SLC12A1: variants seen among roughly 807,000 people sequenced by gnomAD.
SLC12A1 encodes solute carrier family 12 member 1.
A neutral mutation model predicts 130.4 loss-of-function variants in SLC12A1; 89 were observed. The ratio of observed to expected loss-of-function variants is 0.68; its 90% CI spans 0.58 to 0.81. The LOEUF (loss-of-function observed/expected upper bound fraction) is 0.81. Ranked by LOEUF, SLC12A1 falls within the 40% of genes least tolerant of loss-of-function variation. The pLI is 0.00. For missense variants in SLC12A1, 1,310 were observed against 1,336.4 expected (o/e 0.98, Z 0.31); for synonymous variants, 499 against 460.0 (o/e 1.08, Z -1.09).
intron 9 of SLC12A1, among the ~76,000 whole-genome samples, chr15:48,238,240 C>T (rs1236295038): frequency 6.6e-6 from 1 of 152,102 alleles, no homozygotes; most frequent in Admixed American, 6.6e-5. Flanking sequence ...AAAGGAAGCT[C>T]ACATTTGTCT....
intron 2 of SLC12A1, among the ~76,000 whole-genome samples, chr15:48,214,485 A>T (rs1421030788): frequency 6.6e-6 from 1 of 152,222 alleles, no homozygotes; most frequent in Non-Finnish European, 1.5e-5. Context: ...GTTTTCAGCT[A>T]TAGTAAATGC....
intron 19 of SLC12A1, among the ~76,000 whole-genome samples, chr15:48,273,422 A>C (rs1324944813): frequency 6.6e-6 from 1 of 152,144 alleles, no homozygotes; most frequent in Non-Finnish European, 1.5e-5. Context: ...CCCCATCTCA[A>C]AGTCCTTAAC....
At chr15:48,258,143 C>T (rs1304298208) in intron 16 of SLC12A1, among the ~76,000 whole-genome samples, 2 of 70,946 alleles carry the variant, frequency 2.8e-5, no homozygotes, top group Non-Finnish European at 2.2e-5. Flanking sequence ...GGGCGGATCA[C>T]GAGGTCAGGA....
rs191930160 is a variant in SLC12A1 at position 48,246,053 on chromosome 15, G to A, written c.1453-856G>A. Among the ~76,000 whole-genome samples the A allele has an allele frequency of 4.0e-3, 613 of 152,290 alleles. 4 individuals are homozygous for A. Among genetic ancestry groups the A allele is most frequent in the African/African-American group, 0.014 (596 of 41,560 alleles). ...GCAGAGGGAGAAGTAAATTTGTCGC[G>A]AAAGCTTCATTCTTCTGTTTTAACA... On this transcript the variant is annotated intron_variant, in intron 11 of 26. Coordinates refer to ENST00000380993, the MANE Select transcript of SLC12A1 (RefSeq NM_000338.3).
chr15:48,287,423 T>G (rs2042071310), intron 21 of SLC12A1, among the ~76,000 whole-genome samples: 1 of 152,158 alleles, frequency 6.6e-6, no homozygotes, highest in Non-Finnish European at 1.5e-5. Flanking sequence ...TTACTTTAGC[T>G]TCGCAAGATT....
intron 24 of SLC12A1, among the ~76,000 whole-genome samples, chr15:48,295,030 GC>G (rs1423911141): frequency 6.6e-6 from 1 of 151,204 alleles, no homozygotes; most frequent in African/African-American, 2.4e-5. Flanking sequence ...TCCTGCCTCA[GC>G]CTCTTGAGTA....
At position 48,303,212 on chromosome 15, in the gene SLC12A1, C is replaced by T. The variant is rs930164365; in HGVS notation, c.*327C>T. ...GTAAACTTCTCCAGACAAACTTAAC[C>T]TTTTGTTTCTTAATTTTTTGTTTTG... On this transcript the variant is annotated 3_prime_UTR_variant, in exon 27 of 27. Coordinates refer to ENST00000380993, the MANE Select transcript of SLC12A1 (RefSeq NM_000338.3). 1.1e-5 allele frequency: 2 copies of T among 177,224 alleles called. No individual in the cohort carries two copies. The highest frequency in any genetic ancestry group is 2.4e-5 in the African/African-American group (1 of 42,240). 11.0% of individuals were successfully genotyped at this position (177,224 alleles called of 1,614,324 possible). A position where few individuals can be genotyped will look rare whatever the true frequency, so the allele number is the denominator to read the frequency against.
At position 48,251,777 on chromosome 15, in the gene SLC12A1, T is replaced by G; in HGVS notation, c.1942+7T>G. ...GTGACTTGTAAGAAGCCAGGTAAGA[T>G]AATGACTGTCTGGAATAGCGTTTCC... is the stretch of plus-strand genomic sequence containing the variant. On this transcript the variant is annotated splice_region_variant and intron_variant, in intron 15 of 26. Coordinates refer to ENST00000380993, the MANE Select transcript of SLC12A1 (RefSeq NM_000338.3). 6.2e-7 allele frequency: 1 copy of G among 1,612,956 alleles called. No individual in the cohort carries two copies. Among genetic ancestry groups the G allele is most frequent in the Non-Finnish European group, 8.5e-7 (1 of 1,179,142 alleles).
At position 48,241,584 on chromosome 15, in the gene SLC12A1, G is replaced by T; in HGVS notation, c.1285G>T (p.Val429Phe). 1 of 1,613,320 alleles carries T rather than the reference G, an allele frequency of 6.2e-7. No individual in the cohort carries two copies. Among genetic ancestry groups the T allele is most frequent in the Non-Finnish European group, 8.5e-7 (1 of 1,179,330 alleles). The change falls in exon 10 of 27, where the codon GTT (valine) becomes TTT (phenylalanine). Residue 429 changes from valine to phenylalanine, a missense_variant. Transcript: ENST00000380993. ...CATCACCACTGTTGCCTACTTAGGG[G>T]TTGCAATTTGTGTAGGTAAGTGGTA... is the stretch of plus-strand genomic sequence containing the variant. ...IFITTVAYLG[V>F]AICVGACVVR...
chr15:48,255,101 AC>A (rs1224230647), intron 15 of SLC12A1, among the ~76,000 whole-genome samples: 2 of 152,074 alleles, frequency 1.3e-5, no homozygotes, highest in African/African-American at 2.4e-5. Flanking sequence ...TATAAAGATT[AC>A]TGCACACTAT....
At chr15:48,267,755 T>G in intron 18 of SLC12A1, 54 bp downstream of exon 18, 1 of 1,592,364 alleles carries the variant, frequency 6.3e-7, no homozygotes, top group East Asian at 2.2e-5. Flanking sequence ...TAGTGCTCCA[T>G]GTTAATAAGG....
chr15:48,235,599 A>G (rs1195298343), intron 9 of SLC12A1, among the ~76,000 whole-genome samples: 2 of 152,110 alleles, frequency 1.3e-5, no homozygotes, highest in Non-Finnish European at 2.9e-5. Context: ...TGAACCCAGG[A>G]GTTTGAGGCC....
Position 48,285,210 on chromosome 15 carries a change from G to C in SLC12A1, c.2590G>C (p.Ala864Pro), listed in dbSNP as rs2042044850. ...AGGCATCCGAGGCTTGTTTAAAAAA[G>C]CTGGCAAGTTGAACATTACTAAGAC... ...SGGIRGLFKKAGKLNITKTTP... is the reference protein window; with the variant it reads ...SGGIRGLFKKPGKLNITKTTP... Residue 864 changes from alanine (A) to proline (P), a missense_variant, in exon 21 of 27, where the codon GCT becomes CCT. Coordinates refer to ENST00000380993, the MANE Select transcript of SLC12A1 (RefSeq NM_000338.3). The C allele has an allele frequency of 4.3e-6, 7 of 1,613,712 alleles. No individual in the cohort carries two copies. Among genetic ancestry groups the C allele is most frequent in the Non-Finnish European group, 5.9e-6 (7 of 1,179,826 alleles).
chr15:48,251,559 T>G (rs1485290638), intron 14 of SLC12A1, 56 bp from the exon 15 acceptor site: 1 of 1,371,876 alleles, frequency 7.3e-7, no homozygotes, highest in Admixed American at 1.7e-5. Context: ...CTTCTAATAT[T>G]CAGTGCCATG....
At chr15:48,208,659 T>G (rs1289979698) in intron 2 of SLC12A1, among the ~76,000 whole-genome samples, 1 of 152,188 alleles carries the variant, frequency 6.6e-6, no homozygotes, top group South Asian at 2.1e-4. Context: ...GAATTAACTC[T>G]AAATGTTAGG....
chr15:48,241,923 T>G (rs554143087), intron 10 of SLC12A1, among the ~76,000 whole-genome samples: 1 of 152,238 alleles, frequency 6.6e-6, no homozygotes, highest in Admixed American at 6.5e-5. Context: ...TACACTTCCC[T>G]TGTTCTAGGA....
chr15:48,289,719 G>T (rs1222652183), intron 23 of SLC12A1, among the ~76,000 whole-genome samples: 1 of 151,882 alleles, frequency 6.6e-6, no homozygotes, highest in Non-Finnish European at 1.5e-5. Flanking sequence ...ACACAGAAAT[G>T]GTACAGTAAA....
chr15:48,244,627 C>A, intron 10 of SLC12A1, 126 bp from the exon 11 acceptor site: 2 of 881,108 alleles, frequency 2.3e-6, no homozygotes, highest in Non-Finnish European at 3.5e-6. Flanking sequence ...TTATCAAGAA[C>A]TACTCACAGT....
chr15:48,289,453 TAATGTATAATGTATAAC>T (rs1370153036), intron 23 of SLC12A1, among the ~76,000 whole-genome samples: 2 of 130,840 alleles, frequency 1.5e-5, no homozygotes, highest in African/African-American at 6.6e-5. Flanking sequence ...TATAACTGTA[TAATGTATAATGTATAAC>T]AATGTATAAC....
Sources: allele counts gnomAD v4.1 joint callset (sites outside exome capture counted in the v4.1 genomes callset), GRCh38; gene constraint gnomAD v4.1.1; transcripts MANE v1.5; gene names NCBI Gene and HGNC (gene_info 2026-07-23, HGNC 2026-07-21).